CFAP299: variants seen among roughly 807,000 people sequenced by gnomAD.
CFAP299 encodes the protein cilia and flagella associated protein 299.
Under a neutral mutation model 27.0 loss-of-function variants are expected in CFAP299, and 21 were observed. That is an observed-to-expected ratio of 0.78 (90% confidence interval 0.55 to 1.12). The LOEUF is 1.12. CFAP299 is among the 50% of genes most tolerant of loss of function. CFAP299 has a pLI of 0.00. For missense variants in CFAP299, 310 were observed against 276.6 expected, an observed-to-expected ratio of 1.12 and a Z score of -0.86; for synonymous variants, 104 against 98.1, an observed-to-expected ratio of 1.06 and a Z score of -0.36.
chr4:80,739,877 C>T (rs114959372), intron 3 of CFAP299, among the ~76,000 whole-genome samples: 322 of 151,992 alleles, frequency 2.1e-3, no homozygotes, highest in Non-Finnish European at 3.3e-3. Context: ...CTTTTGTCTC[C>T]TCTGTGTATT....
intron 3 of CFAP299, among the ~76,000 whole-genome samples, chr4:80,693,297 C>T (rs1046806865): frequency 3.3e-5 from 5 of 151,876 alleles, no homozygotes; most frequent in African/African-American, 1.2e-4. Context: ...GGAACCAACC[C>T]AAATGTCCAA....
chr4:80,949,184 C>T lies in CFAP299; in HGVS notation c.606+4245C>T, dbSNP rs115010176. Among the ~76,000 whole-genome samples the T allele has an allele frequency of 8.9e-3, 1,350 of 152,118 alleles. 17 individuals carry two copies. The highest frequency in any genetic ancestry group is 0.03 in the African/African-American group (1,253 of 41,508). Reference sequence around the variant, plus strand: ...TCAACAGTTAATTATTAGTAGAAACCATCAATGAAGCTTAAATATTATGAG... The same window carrying T: ...TCAACAGTTAATTATTAGTAGAAACTATCAATGAAGCTTAAATATTATGAG... On this transcript the variant is annotated intron_variant, in intron 5 of 5. Coordinates refer to ENST00000358105, the MANE Select transcript of CFAP299 (RefSeq NM_152770.3).
chr4:80,957,373 G>A (rs1344198920), intron 5 of CFAP299, among the ~76,000 whole-genome samples: 1 of 152,078 alleles, frequency 6.6e-6, no homozygotes, highest in African/African-American at 2.4e-5. Flanking sequence ...TATGTGTAAC[G>A]GTTTTTAGCA....
At position 80,625,855 on chromosome 4, in the gene CFAP299, G is replaced by A. The variant is rs78827938; in HGVS notation, c.333+42672G>A. 2.4e-3 allele frequency among the ~76,000 whole-genome samples: 370 copies of A among 151,908 alleles called. 1 individual carries two copies. Among genetic ancestry groups the A allele is most frequent in the African/African-American group, 8.4e-3 (350 of 41,486 alleles). ...GGATATAACAATTACAAATATATAC[G>A]TACCCAATATCCAAGCTGATGAAGA... On this transcript the variant is annotated intron_variant, in intron 3 of 5. Transcript: ENST00000358105.
At chr4:80,354,738 GT>G (rs1351952876) in intron 1 of CFAP299, among the ~76,000 whole-genome samples, 6 of 151,990 alleles carry the variant, frequency 3.9e-5, no homozygotes, top group Non-Finnish European at 1.5e-5. Context: ...TGTTCTCACT[GT>G]TTAGCTCCTA....
At chr4:80,800,604 AAATATAT>A (rs1264798608) in intron 3 of CFAP299, among the ~76,000 whole-genome samples, 9 of 96,592 alleles carry the variant, frequency 9.3e-5, no homozygotes, top group East Asian at 2.5e-4. Flanking sequence ...ATATTAATAT[AAATATAT>A]AATATATAAT....
intron 4 of CFAP299, among the ~76,000 whole-genome samples, chr4:80,942,425 A>G (rs906101095): frequency 3.9e-5 from 6 of 152,148 alleles, no homozygotes; most frequent in African/African-American, 1.4e-4. Flanking sequence ...GTGAGATAAT[A>G]GATTCATTAG....
chr4:80,671,708 C>T (rs534630617), intron 3 of CFAP299, among the ~76,000 whole-genome samples: 2 of 152,172 alleles, frequency 1.3e-5, no homozygotes, highest in Non-Finnish European at 2.9e-5. Context: ...AGAAGTCCTT[C>T]ATATCCCTTG....
chr4:80,736,908 C>T (rs1723923340), intron 3 of CFAP299, among the ~76,000 whole-genome samples: 1 of 152,076 alleles, frequency 6.6e-6, no homozygotes, highest in Non-Finnish European at 1.5e-5. Context: ...GACTTGGAAC[C>T]AACCCAAATG....
intron 2 of CFAP299, among the ~76,000 whole-genome samples, chr4:80,477,782 G>T (rs1198586370): frequency 6.6e-6 from 1 of 151,934 alleles, no homozygotes; most frequent in Non-Finnish European, 1.5e-5. Context: ...AGATTCTATG[G>T]TCCATCATTA....
rs1433979735 is a variant in CFAP299 at position 80,388,609 on chromosome 4, C to T, written c.242+25725C>T. 5 of 1,405,742 alleles carry T rather than the reference C, an allele frequency of 3.6e-6. No individual in the cohort carries two copies. In the Admixed American group the frequency reaches 8.4e-5, roughly 24 times the overall value. The allele number at this position is 1,405,742 out of a possible 1,614,324, so 87.1% of individuals were successfully genotyped here. On this transcript the variant is annotated intron_variant, in intron 2 of 5. Coordinates refer to ENST00000358105, the MANE Select transcript of CFAP299 (RefSeq NM_152770.3). ...GGATAGCAGGGGACGCATTGACACTCTGGCCTCTGGGATCAGGGACTGCTC... is the reference window on the plus strand; with the variant it reads ...GGATAGCAGGGGACGCATTGACACTTTGGCCTCTGGGATCAGGGACTGCTC...
intron 3 of CFAP299, among the ~76,000 whole-genome samples, chr4:80,706,088 C>T (rs1306041427): frequency 1.3e-5 from 2 of 151,662 alleles, no homozygotes; most frequent in Non-Finnish European, 1.5e-5. Flanking sequence ...TGTTAAGGTA[C>T]GGTAATATAT....
At chr4:80,699,948 T>A (rs1338030113) in intron 3 of CFAP299, among the ~76,000 whole-genome samples, 1 of 152,158 alleles carries the variant, frequency 6.6e-6, no homozygotes, top group Non-Finnish European at 1.5e-5. Flanking sequence ...TTGGAAGGGT[T>A]ATGGAAGAGA....
At chr4:80,509,848 C>T (rs901701402) in intron 2 of CFAP299, among the ~76,000 whole-genome samples, 6 of 150,338 alleles carry the variant, frequency 4.0e-5, no homozygotes, top group Non-Finnish European at 5.9e-5. Context: ...CCATCTTCTG[C>T]ACTGCTGCCA....
At position 80,458,192 on chromosome 4, in the gene CFAP299, C is replaced by A. The variant is rs557050644; in HGVS notation, c.242+95308C>A. Among the ~76,000 whole-genome samples the A allele has an allele frequency of 5.0e-4, 76 of 152,222 alleles. 1 individual carries two copies. Among genetic ancestry groups the A allele is most frequent in the African/African-American group, 1.8e-3 (73 of 41,538 alleles). ...AAGGATCAATAACAAATGGGCGCCC[C>A]CAAAATTCAAGAGTCACATGAATAT... On this transcript the variant is annotated intron_variant, in intron 2 of 5. Coordinates refer to ENST00000358105, the MANE Select transcript of CFAP299 (RefSeq NM_152770.3).
chr4:80,629,382 G>T (rs1284940004), intron 3 of CFAP299, among the ~76,000 whole-genome samples: 1 of 152,050 alleles, frequency 6.6e-6, no homozygotes, highest in East Asian at 1.9e-4. Context: ...ATAAGTTCAA[G>T]AGCTCTATTG....
chr4:80,819,677 T>A (rs1717848476), intron 3 of CFAP299, among the ~76,000 whole-genome samples: 1 of 152,184 alleles, frequency 6.6e-6, no homozygotes, highest in Non-Finnish European at 1.5e-5. Flanking sequence ...AATTTTTTTC[T>A]AGTTTCCTAA....
At chr4:80,570,025 A>G (rs903504466) in intron 2 of CFAP299, among the ~76,000 whole-genome samples, 7 of 152,018 alleles carry the variant, frequency 4.6e-5, no homozygotes, top group African/African-American at 1.7e-4. Context: ...TTTTTTTGAC[A>G]TCAACATTTA....
the CFAP299 span, among the ~76,000 whole-genome samples, chr4:80,329,345 C>T: frequency 1.6e-4 from 25 of 151,800 alleles, no homozygotes; most frequent in Non-Finnish European, 3.5e-4. Context: ...CAGTTCAGGT[C>T]CTCCTTCTGT....
Sources: gnomAD v4.1 joint callset for allele counts (sites outside exome capture counted in the v4.1 genomes callset) on GRCh38, gnomAD v4.1.1 for gene constraint, MANE v1.5 for transcripts, NCBI Gene and HGNC (gene_info 2026-07-23, HGNC 2026-07-21) for gene names.